The following HCN1 variants were observed in gnomAD, a reference collection of about 807,000 sequenced individuals.
HCN1 encodes the protein potassium/sodium hyperpolarization-activated cyclic nucleotide-gated channel 1.
A neutral mutation model predicts 78.9 loss-of-function variants in HCN1; 13 were observed. The ratio of observed to expected loss-of-function variants is 0.16; its 90% CI spans 0.11 to 0.26. The LOEUF is 0.26. Among genes scored for constraint, HCN1 ranks in the 10% least tolerant of loss-of-function variants. The pLI, the probability that HCN1 is intolerant of heterozygous loss-of-function variation, is 1.00. For missense variants in HCN1, 810 were observed against 1,154.3 expected, an observed-to-expected ratio of 0.70 and a Z score of 4.32; for synonymous variants, 552 against 455.5, an observed-to-expected ratio of 1.21 and a Z score of -2.70.
intron 5 of HCN1, among the ~76,000 whole-genome samples, chr5:45,336,828 C>T (rs1320469366): frequency 6.6e-6 from 1 of 151,954 alleles, no homozygotes; most frequent in East Asian, 1.9e-4. Flanking sequence ...CCTCATATGG[C>T]AGAAGGGATC....
intron 2 of HCN1, among the ~76,000 whole-genome samples, chr5:45,550,669 G>GT (rs1404709994): frequency 6.6e-6 from 1 of 151,616 alleles, no homozygotes; most frequent in Non-Finnish European, 1.5e-5. Context: ...TAATGGATGA[G>GT]TTTTTCATTT....
intron 2 of HCN1, among the ~76,000 whole-genome samples, chr5:45,634,492 G>C (rs1745324928): frequency 6.6e-6 from 1 of 151,986 alleles, no homozygotes; most frequent in Non-Finnish European, 1.5e-5. Flanking sequence ...TAGCAGTCAA[G>C]AGAGTGAATG....
intron 4 of HCN1, among the ~76,000 whole-genome samples, chr5:45,367,007 C>T (rs12515470): frequency 0.059 from 8,969 of 151,694 alleles, 382 homozygotes; most frequent in East Asian, 0.13. Flanking sequence ...TCAGTCTCAA[C>T]ATAAATCAAT....
At chr5:45,496,799 G>A (rs563080689) in intron 2 of HCN1, among the ~76,000 whole-genome samples, 1 of 152,232 alleles carries the variant, frequency 6.6e-6, no homozygotes, top group South Asian at 2.1e-4. Flanking sequence ...TGATGTTAGG[G>A]TGTAAATTTT....
intron 5 of HCN1, among the ~76,000 whole-genome samples, chr5:45,307,673 A>C (rs1011492198): frequency 6.6e-6 from 1 of 152,134 alleles, no homozygotes; most frequent in Admixed American, 6.6e-5. Flanking sequence ...GGAAATTTGG[A>C]AGAAACTGTC....
At chr5:45,617,911 A>C (rs1007576245) in intron 2 of HCN1, among the ~76,000 whole-genome samples, 3 of 152,118 alleles carry the variant, frequency 2.0e-5, no homozygotes, top group African/African-American at 7.2e-5. Flanking sequence ...AACCTGTTCC[A>C]GAGTCTACTC....
chr5:45,509,721 T>C (rs367813872), intron 2 of HCN1, among the ~76,000 whole-genome samples: 2 of 152,176 alleles, frequency 1.3e-5, no homozygotes, highest in African/African-American at 4.8e-5. Context: ...TATGTGGCTG[T>C]TATGAATATT....
At position 45,461,829 on chromosome 5, in the gene HCN1, T is replaced by A. The variant is rs745363257; in HGVS notation, c.1011+17A>T. On this transcript the variant is annotated intron_variant, in intron 3 of 7. Transcript: ENST00000303230. ...AACGTTGAAAAGTCAGAGTGTAAAA[T>A]AACAGAATTTACTTACAACCATTTC... The A allele has an allele frequency of 6.2e-7, 1 of 1,608,922 alleles. No homozygotes were observed. The highest frequency in any genetic ancestry group is 8.5e-7 in the Non-Finnish European group (1 of 1,175,928).
chr5:45,545,321 A>G (rs1203612827), intron 2 of HCN1, among the ~76,000 whole-genome samples: 1 of 151,960 alleles, frequency 6.6e-6, no homozygotes, highest in Non-Finnish European at 1.5e-5. Context: ...AAATTTGTTT[A>G]AGTTCTTTGT....
At chr5:45,635,005 T>G (rs571210254) in intron 2 of HCN1, among the ~76,000 whole-genome samples, 1 of 152,110 alleles carries the variant, frequency 6.6e-6, no homozygotes, top group Non-Finnish European at 1.5e-5. Context: ...GTAGTTATAG[T>G]TCCTGGATTC....
chr5:45,366,022 T>A (rs1254972400), intron 4 of HCN1, among the ~76,000 whole-genome samples: 1 of 151,876 alleles, frequency 6.6e-6, no homozygotes, highest in Admixed American at 6.6e-5. Flanking sequence ...AATCTAGAGA[T>A]ACTATTTCAC....
At chr5:45,363,914 C>T (rs1747177340) in intron 4 of HCN1, among the ~76,000 whole-genome samples, 2 of 151,952 alleles carry the variant, frequency 1.3e-5, no homozygotes, top group South Asian at 2.1e-4. Flanking sequence ...TTATCAGCAG[C>T]GTAAAAATGG....
intron 2 of HCN1, among the ~76,000 whole-genome samples, chr5:45,595,731 T>C (rs1323854016): frequency 6.6e-6 from 1 of 152,042 alleles, no homozygotes; most frequent in African/African-American, 2.4e-5. Flanking sequence ...TTTGACTCTA[T>C]ATGAAACAAT....
In HCN1 at chr5:45,321,092, A is replaced by G. The variant is rs541110056; in HGVS notation, c.1378-17253T>C. On this transcript the variant is annotated intron_variant, in intron 5 of 7. Coordinates refer to ENST00000303230, the MANE Select transcript of HCN1 (RefSeq NM_021072.4). The stretch of plus-strand genomic sequence containing the variant: ...TGAAAATTTTCTTTGTGGCTTGTCA[A>G]TGACTGCCCTTTATACCTTCCTTTC... Among the ~76,000 whole-genome samples, 9 of 151,946 alleles carry G rather than the reference A, an allele frequency of 5.9e-5. No homozygotes were observed. The East Asian group carries it at 7.8e-4, about 13-fold the overall frequency.
At chr5:45,272,235 T>C (rs1340757120) in intron 6 of HCN1, among the ~76,000 whole-genome samples, 7 of 152,094 alleles carry the variant, frequency 4.6e-5, no homozygotes, top group Non-Finnish European at 8.8e-5. Context: ...TTGGTGTATT[T>C]GCCATATCTG....
At chr5:45,367,629 C>A (rs1044067643) in intron 4 of HCN1, among the ~76,000 whole-genome samples, 5 of 151,832 alleles carry the variant, frequency 3.3e-5, no homozygotes, top group African/African-American at 1.2e-4. Flanking sequence ...AACTAATGGT[C>A]ACTGGTTGAT....
At chr5:45,637,384 A>T (rs1327464221) in intron 2 of HCN1, among the ~76,000 whole-genome samples, 1 of 152,012 alleles carries the variant, frequency 6.6e-6, no homozygotes, top group African/African-American at 2.4e-5. Flanking sequence ...AATTCCATTG[A>T]GGGAATAACT....
intron 5 of HCN1, among the ~76,000 whole-genome samples, chr5:45,312,744 C>A (rs759741018): frequency 3.3e-5 from 5 of 152,192 alleles, no homozygotes; most frequent in Non-Finnish European, 7.3e-5. Flanking sequence ...CAGGGGGTCC[C>A]ACGCCCACAG....
intron 2 of HCN1, among the ~76,000 whole-genome samples, chr5:45,515,299 C>T (rs1164431957): frequency 6.6e-6 from 1 of 151,906 alleles, no homozygotes; most frequent in Non-Finnish European, 1.5e-5. Context: ...TACTATAATA[C>T]TTAACTACAT....
Sources: gnomAD v4.1 joint callset for allele counts (sites outside exome capture counted in the v4.1 genomes callset) on GRCh38, gnomAD v4.1.1 for gene constraint, MANE v1.5 for transcripts, NCBI Gene and HGNC (gene_info 2026-07-23, HGNC 2026-07-21) for gene names.